SBK1: variants seen among roughly 807,000 people sequenced by gnomAD.
The protein encoded by SBK1 is SH3 domain binding kinase 1.
Under a neutral mutation model 24.4 loss-of-function variants are expected in SBK1, and 11 were observed. The observed-to-expected ratio is 0.45, with a 90% confidence interval of 0.28 to 0.75. SBK1 has a LOEUF of 0.75. SBK1 is among the 30% of genes least tolerant of loss of function. SBK1 has a pLI of 0.12. For synonymous variants in SBK1, 308 were observed against 284.4 expected, an observed-to-expected ratio of 1.08 and a Z score of -0.83; for missense variants, 467 against 620.5, an observed-to-expected ratio of 0.75 and a Z score of 2.63.
rs2044872720 is a variant in SBK1, at chr16:28,323,386, G to C, written c.*2465G>C. On this transcript the variant is annotated 3_prime_UTR_variant, in exon 4 of 4. Coordinates refer to ENST00000341901, the MANE Select transcript of SBK1 (RefSeq NM_001024401.3). ...CGATTCTTCTGTGAAGGTACAGTGTGTATGTGTGTATGTGTGTATGTGTGT... is the reference window on the plus strand; with the variant it reads ...CGATTCTTCTGTGAAGGTACAGTGTCTATGTGTGTATGTGTGTATGTGTGT... 6.6e-6 allele frequency: 1 copy of C among 151,432 alleles called. No individual in the cohort carries two copies. The highest frequency in any genetic ancestry group is 1.9e-4 in the East Asian group (1 of 5,138). The allele number at this position is 151,432 out of a possible 1,614,324, so 9.4% of individuals were successfully genotyped here.
chr16:28,299,035 G>A (rs1054793051), intron 1 of SBK1, among the ~76,000 whole-genome samples: 19 of 152,196 alleles, frequency 1.2e-4, no homozygotes, highest in African/African-American at 4.1e-4. Flanking sequence ...TCCACCTTGG[G>A]AGCTCAGGTG....
intron 1 of SBK1, among the ~76,000 whole-genome samples, chr16:28,316,673 GCCTGCACAT>G (rs2044798507): frequency 6.6e-6 from 1 of 152,108 alleles, no homozygotes; most frequent in African/African-American, 2.4e-5. Flanking sequence ...TATGTAACAA[GCCTGCACAT>G]CCTGCACATG....
chr16:28,280,373 G>A (rs1463305776), intron 1 of SBK1, among the ~76,000 whole-genome samples: 1 of 143,956 alleles, frequency 6.9e-6, no homozygotes. Flanking sequence ...ATATTTGTTT[G>A]TTTCAGAGAT....
In SBK1 at chr16:28,259,980, A is replaced by G. The variant is rs2044387174; in HGVS notation, c.257+478A>G. On this transcript the variant is annotated intron_variant, in intron 1 of 3. Coordinates refer to the SBK1 transcript ENST00000671413. This position sits in a 1 kb window ranked among gnomAD's most constrained non-coding sequence, Gnocchi z 6.0. ...AAGCCCTCCTGGATGTCCCTGTCCCACCCTAACCTGAGAGCCACCTTTCCA... is the reference window on the plus strand; with the variant it reads ...AAGCCCTCCTGGATGTCCCTGTCCCGCCCTAACCTGAGAGCCACCTTTCCA... 6.6e-6 allele frequency among the ~76,000 whole-genome samples: 1 copy of G among 151,604 alleles called. No individual in the cohort carries two copies. Among genetic ancestry groups the G allele is most frequent in the Non-Finnish European group, 1.5e-5 (1 of 67,918 alleles).
At chr16:28,281,378 C>T (rs2044532415) in intron 1 of SBK1, among the ~76,000 whole-genome samples, 1 of 152,172 alleles carries the variant, frequency 6.6e-6, no homozygotes, top group South Asian at 2.1e-4. Context: ...GAATTGGGCC[C>T]CTCCAGCACC....
At chr16:28,308,740 GGTGTGTGTGTGTGT>G (rs763015809) in intron 1 of SBK1, among the ~76,000 whole-genome samples, 19 of 130,606 alleles carry the variant, frequency 1.5e-4, no homozygotes, top group African/African-American at 4.7e-4. Flanking sequence ...CGTTCTTTGG[GGTGTGTGTGTGTGT>G]GTGTGTGTGT....
rs2044840657 is a variant in SBK1 at position 28,321,019 on chromosome 16, A to C, written c.*98A>C. 1 of 1,136,160 alleles carries C rather than the reference A, an allele frequency of 8.8e-7. No homozygotes were observed. 70.4% of individuals were successfully genotyped at this position (1,136,160 alleles called of 1,614,324 possible). ...GAATGGAGCCACCTCGCCGCGGGGC[A>C]GGGGGCGCAGCGGTAGACTAGGCAG... On this transcript the variant is annotated 3_prime_UTR_variant, in exon 4 of 4. Coordinates refer to ENST00000341901, the MANE Select transcript of SBK1 (RefSeq NM_001024401.3).
Position 28,292,640 on chromosome 16 carries a change from G to C in SBK1, c.-668G>C. 6.1e-6 allele frequency: 6 copies of C among 983,454 alleles called. No individual in the cohort carries two copies. The highest frequency in any genetic ancestry group is 4.8e-6 in the Non-Finnish European group (4 of 829,102). The allele number at this position is 983,454 out of a possible 1,614,324, so 60.9% of individuals were successfully genotyped here. On this transcript the variant is annotated 5_prime_UTR_variant, in exon 1 of 4. Coordinates refer to ENST00000341901, the MANE Select transcript of SBK1 (RefSeq NM_001024401.3). Reference sequence around the variant, plus strand: ...GGCCAGGCCGGGGGCCGGGAGCGCAGGGCCGGGCTGCTCGTAGCGGCGGCG... The same window carrying C: ...GGCCAGGCCGGGGGCCGGGAGCGCACGGCCGGGCTGCTCGTAGCGGCGGCG...
At chr16:28,291,439 A>G (rs1597018470), upstream of SBK1, 3 of 152,096 alleles carry the variant, frequency 2.0e-5, no homozygotes, top group Admixed American at 2.0e-4. Context: ...GCACACCAAC[A>G]TGGCACACGT....
Position 28,317,570 on chromosome 16 carries a change from G to A in SBK1, c.179G>A (p.Gly60Asp). 1 of 1,614,210 alleles carries A rather than the reference G, an allele frequency of 6.2e-7. No individual in the cohort carries two copies. The highest frequency in any genetic ancestry group is 8.5e-7 in the Non-Finnish European group (1 of 1,180,028). The change falls in exon 2 of 4, where the codon GGC (glycine) becomes GAC (aspartate). Residue 60 changes from glycine to aspartate, a missense_variant. Gly to Asp is a moderately conservative substitution (Grantham distance 94). Transcript: ENST00000341901. This position sits in a 1 kb window ranked among gnomAD's most constrained non-coding sequence, Gnocchi z 4.2. ...CACTACGAACTAGTCCGGGAGCTGG[G>A]CAAAGGCACCTATGGGAAGGTTGAC... Reference protein sequence around the residue: ...TKHYELVRELGKGTYGKVDLV... With the variant: ...TKHYELVRELDKGTYGKVDLV...
At chr16:28,294,900 C>T (rs2044627914) in intron 1 of SBK1, among the ~76,000 whole-genome samples, 1 of 152,198 alleles carries the variant, frequency 6.6e-6, no homozygotes. Context: ...AATCAGGTGC[C>T]CTGAAGACTG....
rs140846803 is a variant in SBK1 at position 28,265,073 on chromosome 16, C to A, written c.257+5571C>A. On this transcript the variant is annotated intron_variant, in intron 1 of 3. Transcript: ENST00000671413. ...GATTGCTTGAACCCAGGATTCGAAACCAGCCAGGGAAACATAGGGAGACCC... is the reference window on the plus strand; with the variant it reads ...GATTGCTTGAACCCAGGATTCGAAAACAGCCAGGGAAACATAGGGAGACCC... Among the ~76,000 whole-genome samples the A allele has an allele frequency of 5.0e-3, 761 of 151,134 alleles. 4 individuals carry two copies. The highest frequency in any genetic ancestry group is 0.018 in the African/African-American group (721 of 41,178).
At position 28,323,059 on chromosome 16, in the gene SBK1, G is replaced by A. The variant is rs1260226325; in HGVS notation, c.*2138G>A. 1.5e-5 allele frequency: 2 copies of A among 137,004 alleles called. No homozygotes were observed. The highest frequency in any genetic ancestry group is 3.1e-5 in the Non-Finnish European group (2 of 64,524). The allele number at this position is 137,004 out of a possible 1,614,324, so 8.5% of individuals were successfully genotyped here. ...AGCCGTTGTAGTATCTAGTATGTTA[G>A]AGTTGGGAGGGGACCATAGTTATGT... On this transcript the variant is annotated 3_prime_UTR_variant, in exon 4 of 4. Transcript: ENST00000341901.
rs1313687182 is a variant in SBK1 at position 28,320,312 on chromosome 16, G to C, written c.666G>C (p.Ala222=). 2 of 1,591,666 alleles carry C rather than the reference G, an allele frequency of 1.3e-6. No homozygotes were observed. The highest frequency in any genetic ancestry group is 3.4e-5 in the Admixed American group (2 of 59,202). ...IPYTAPEVCQ[A]GRADGLAVDT... ...ACACGGCGCCTGAGGTGTGCCAGGCGGGCCGCGCCGACGGGCTGGCGGTGG... is the reference window on the plus strand; with the variant it reads ...ACACGGCGCCTGAGGTGTGCCAGGCCGGCCGCGCCGACGGGCTGGCGGTGG... Residue 222 remains alanine, a synonymous_variant, in exon 4 of 4, where the codon GCG becomes GCC. Transcript: ENST00000341901. The surrounding 1 kb of genome is among the most constrained non-coding windows in gnomAD (Gnocchi z 8.5).
chr16:28,317,254 C>T lies in SBK1; in HGVS notation c.-7-131C>T. On this transcript the variant is annotated intron_variant, in intron 1 of 3. Transcript: ENST00000341901. The surrounding 1 kb of genome is among the most constrained non-coding windows in gnomAD (Gnocchi z 4.2). ...GACGCGACCAAGATGCTTGTCGCCC[C>T]CTTGTGGTTATCTTGGGCCTGGCAT... 1 of 675,564 alleles carries T rather than the reference C, an allele frequency of 1.5e-6. No individual in the cohort carries two copies. Among genetic ancestry groups the T allele is most frequent in the Non-Finnish European group, 2.5e-6 (1 of 393,078 alleles). The allele number at this position is 675,564 out of a possible 1,614,324, so 41.8% of individuals were successfully genotyped here. A position where few individuals can be genotyped will look rare whatever the true frequency, so the allele number is the denominator to read the frequency against.
intron 1 of SBK1, among the ~76,000 whole-genome samples, chr16:28,270,498 T>C (rs1447094259): frequency 2.0e-5 from 3 of 151,966 alleles, no homozygotes; most frequent in African/African-American, 7.2e-5. Context: ...CAATCATGTC[T>C]CACTGCAGTC....
intron 1 of SBK1, among the ~76,000 whole-genome samples, chr16:28,316,228 TGAGACCAC>T (rs1053993806): frequency 2.0e-5 from 3 of 152,184 alleles, no homozygotes; most frequent in African/African-American, 7.2e-5. Flanking sequence ...CAGTTTGGCC[TGAGACCAC>T]GTGGCCAAGG....
chr16:28,304,956 C>T (rs1355577807), intron 1 of SBK1, among the ~76,000 whole-genome samples: 1 of 152,060 alleles, frequency 6.6e-6, no homozygotes, highest in Non-Finnish European at 1.5e-5. Context: ...GTTACCCAGA[C>T]TGGGGTGCAG....
chr16:28,321,218 CA>C lies in SBK1; in HGVS notation c.*298del. On this transcript the variant is annotated 3_prime_UTR_variant, in exon 4 of 4. Transcript: ENST00000341901. ...ACACACACACACACACACACACACA[CA>C]CACACACACACACACACACGCCAGG... 1 of 194,398 alleles carries C rather than the reference CA, an allele frequency of 5.1e-6. No individual in the cohort carries two copies. Among genetic ancestry groups the C allele is most frequent in the Non-Finnish European group, 1.0e-5 (1 of 97,080 alleles). 12.0% of individuals were successfully genotyped at this position (194,398 alleles called of 1,614,324 possible).
Sources: allele counts gnomAD v4.1 joint callset (sites outside exome capture counted in the v4.1 genomes callset), GRCh38; gene constraint gnomAD v4.1.1; non-coding constraint Gnocchi (gnomAD v3.1); transcripts MANE v1.5; gene names NCBI Gene and HGNC (gene_info 2026-07-23, HGNC 2026-07-21).